Variants in CLEC11A observed in about 807,000 individuals in gnomAD.
CLEC11A encodes the protein C-type lectin domain family 11 member A.
A neutral mutation model predicts 33.9 loss-of-function variants in CLEC11A; 35 were observed. That is an observed-to-expected ratio of 1.03 (90% confidence interval 0.79 to 1.37). The LOEUF (loss-of-function observed/expected upper bound fraction) is 1.37, where lower values mean the gene tolerates loss of function less well. Ranked by LOEUF, CLEC11A falls within the 40% of genes most tolerant of loss-of-function variation. The pLI, the probability that CLEC11A is intolerant of heterozygous loss-of-function variation, is 0.00. For synonymous variants in CLEC11A, 220 were observed against 202.2 expected (o/e 1.09, Z -0.75); for missense variants, 519 against 455.5 (o/e 1.14, Z -1.27).
Position 50,725,318 on chromosome 19 carries a change from C to G in CLEC11A, c.823C>G (p.Gln275Glu). ...CTCACCCCGCCCCGAGCTCGGCGCCCAGCCCAGCGCCTCGCCGCATCCGCT... is the reference window on the plus strand; with the variant it reads ...CTCACCCCGCCCCGAGCTCGGCGCCGAGCCCAGCGCCTCGCCGCATCCGCT... ...HRSPRPELGA[Q>E]PSASPHPLSP... Residue 275 changes from glutamine (Q) to glutamate (E), a missense_variant, in exon 4 of 4, where the codon CAG (glutamine) becomes GAG (glutamate). Transcript: ENST00000250340. The G allele has an allele frequency of 6.2e-7, 1 of 1,611,968 alleles. No homozygotes were observed. Among genetic ancestry groups the G allele is most frequent in the African/African-American group, 1.3e-5 (1 of 75,040 alleles).
rs1453302204 is a variant in CLEC11A, at chr19:50,724,441, G to C, written c.366G>C (p.Leu122=). 8 of 1,553,546 alleles carry C rather than the reference G, an allele frequency of 5.1e-6. No homozygotes were observed. Among genetic ancestry groups the C allele is most frequent in the Non-Finnish European group, 6.9e-6 (8 of 1,155,626 alleles). ...GCCTGGCCGGCCTGGACGCAGGCCT[G>C]CACCAGCTGCACGTCCGTCTGCACG... The part of the protein sequence containing the change: ...LGRLAGLDAG[L]HQLHVRLHAL... Residue 122 remains leucine, a synonymous_variant, in exon 3 of 4, where the codon CTG becomes CTC. Coordinates refer to ENST00000250340, the MANE Select transcript of CLEC11A (RefSeq NM_002975.3). This position sits in a 1 kb window ranked among gnomAD's most constrained non-coding sequence, Gnocchi z 4.1.
Position 50,725,199 on chromosome 19 carries a change from A to G in CLEC11A, c.704A>G (p.Asn235Ser), listed in dbSNP as rs2089176823. 1.3e-6 allele frequency: 2 copies of G among 1,591,966 alleles called. No individual in the cohort carries two copies. Among genetic ancestry groups the G allele is most frequent in the Non-Finnish European group, 1.7e-6 (2 of 1,170,390 alleles). Residue 235 changes from asparagine to serine, a missense_variant, in exon 4 of 4, where the codon AAC becomes AGC. By Grantham distance (46) the Asn-to-Ser change is conservative. Coordinates refer to ENST00000250340, the MANE Select transcript of CLEC11A (RefSeq NM_002975.3). Reference protein sequence around the residue: ...RYLRAALAPYNWPVWLGVHDR... With the variant: ...RYLRAALAPYSWPVWLGVHDR... ...CTGCGCGCGGCGCTCGCTCCCTACA[A>G]CTGGCCCGTGTGGCTGGGCGTGCAC...
Position 50,725,614 on chromosome 19 carries a change from T to C in CLEC11A, c.*147T>C, listed in dbSNP as rs1221855639. On this transcript the variant is annotated 3_prime_UTR_variant, in exon 4 of 4. Coordinates refer to ENST00000250340, the MANE Select transcript of CLEC11A (RefSeq NM_002975.3). ...CCAGTCTGGGCGCTTCTGGGAGGGC[T>C]CTTGCGGTGCCGGCACTCCTCCTTG... 7.3e-7 allele frequency: 1 copy of C among 1,373,192 alleles called. No individual in the cohort carries two copies. The highest frequency in any genetic ancestry group is 1.5e-5 in the African/African-American group (1 of 68,130). The allele number at this position is 1,373,192 out of a possible 1,614,324, so 85.1% of individuals were successfully genotyped here.
rs1047559633 is a variant in CLEC11A at position 50,724,769 on chromosome 19, G to A, written c.526+168G>A. Among the ~76,000 whole-genome samples, 8 of 151,908 alleles carry A rather than the reference G, an allele frequency of 5.3e-5. No individual in the cohort carries two copies. Among genetic ancestry groups the A allele is most frequent in the East Asian group, 1.9e-4 (1 of 5,136 alleles). On this transcript the variant is annotated intron_variant, in intron 3 of 3. Transcript: ENST00000250340. The surrounding 1 kb of genome is among the most constrained non-coding windows in gnomAD (Gnocchi z 4.1). The stretch of plus-strand genomic sequence containing the variant: ...GAGGCTGAATGCAGGGAGCGGGTGG[G>A]CACTCCAGACCCGCGCGGACCCGAC...
At position 50,724,481 on chromosome 19, in the gene CLEC11A, G is replaced by A. The variant is rs921624957; in HGVS notation, c.406G>A (p.Val136Met). ...CCGTCTGCACGCGTTGGACACCCGCGTGGTCGAGCTGACCCAGGGGCTGCG... is the reference window on the plus strand; with the variant it reads ...CCGTCTGCACGCGTTGGACACCCGCATGGTCGAGCTGACCCAGGGGCTGCG... Reference protein sequence around the residue: ...HVRLHALDTRVVELTQGLRQL... With the variant: ...HVRLHALDTRMVELTQGLRQL... The change falls in exon 3 of 4, where the codon GTG becomes ATG. Residue 136 changes from valine to methionine, a missense_variant. Val to Met is a conservative substitution (Grantham distance 21, BLOSUM62 1). Transcript: ENST00000250340. This position sits in a 1 kb window ranked among gnomAD's most constrained non-coding sequence, Gnocchi z 4.1. The A allele has an allele frequency of 1.9e-6, 3 of 1,578,932 alleles. No homozygotes were observed. Among genetic ancestry groups the A allele is most frequent in the Non-Finnish European group, 2.6e-6 (3 of 1,170,190 alleles).
chr19:50,724,728 G>C lies in CLEC11A; in HGVS notation c.526+127G>C, dbSNP rs73582909. ...GGAGAGCTGCTGTGTGCTAGCGGAC[G>C]GGGTTAGAGAGCTGGGAGGCTGAAT... On this transcript the variant is annotated intron_variant, in intron 3 of 3. Transcript: ENST00000250340. This position sits in a 1 kb window ranked among gnomAD's most constrained non-coding sequence, Gnocchi z 4.1. 2 of 1,200,636 alleles carry C rather than the reference G, an allele frequency of 1.7e-6. No individual in the cohort carries two copies. Among genetic ancestry groups the C allele is most frequent in the Non-Finnish European group, 2.2e-6 (2 of 912,422 alleles). 74.4% of individuals were successfully genotyped at this position (1,200,636 alleles called of 1,614,324 possible). A position where few individuals can be genotyped will look rare whatever the true frequency, so the allele number is the denominator to read the frequency against.
At position 50,725,530 on chromosome 19, in the gene CLEC11A, C is replaced by A; in HGVS notation, c.*63C>A. 4.1e-6 allele frequency: 6 copies of A among 1,472,304 alleles called. No homozygotes were observed. Among genetic ancestry groups the A allele is most frequent in the Non-Finnish European group, 4.5e-6 (5 of 1,106,942 alleles). 91.2% of individuals were successfully genotyped at this position (1,472,304 alleles called of 1,614,324 possible). The stretch of plus-strand genomic sequence containing the variant: ...CCGGCCTTTCCCTGCGCCGTGCCCA[C>A]CCTCCTCCGGAATCTCCCTTCCCTT... On this transcript the variant is annotated 3_prime_UTR_variant, in exon 4 of 4. Coordinates refer to ENST00000250340, the MANE Select transcript of CLEC11A (RefSeq NM_002975.3).
At position 50,724,631 on chromosome 19, in the gene CLEC11A, AAT is replaced by A; in HGVS notation, c.526+31_526+32del. The A allele has an allele frequency of 7.2e-7, 1 of 1,386,842 alleles. No individual in the cohort carries two copies. The highest frequency in any genetic ancestry group is 2.9e-5 in the East Asian group (1 of 34,386). The allele number at this position is 1,386,842 out of a possible 1,614,324, so 85.9% of individuals were successfully genotyped here. A position where few individuals can be genotyped will look rare whatever the true frequency, so the allele number is the denominator to read the frequency against. On this transcript the variant is annotated intron_variant, in intron 3 of 3. Coordinates refer to ENST00000250340, the MANE Select transcript of CLEC11A (RefSeq NM_002975.3). This position sits in a 1 kb window ranked among gnomAD's most constrained non-coding sequence, Gnocchi z 4.1. ...GTCCGCGGCGCGCGGGGTGGAAAAA[AAT>A]GAGACTATCTGGGCCAGGAATGGGA... is the stretch of plus-strand genomic sequence containing the variant.
At position 50,725,124 on chromosome 19, in the gene CLEC11A, G is replaced by C. The variant is rs761771291; in HGVS notation, c.629G>C (p.Ser210Thr). The change falls in exon 4 of 4, where the codon AGC becomes ACC. Residue 210 changes from serine to threonine, a missense_variant. Coordinates refer to ENST00000250340, the MANE Select transcript of CLEC11A (RefSeq NM_002975.3). ...AQARCTARGGSLAQPADRQQM... is the reference protein window; with the variant it reads ...AQARCTARGGTLAQPADRQQM... ...GCGCGGTGCACGGCGCGGGGCGGGA[G>C]CCTGGCGCAGCCGGCAGACCGCCAG... is the stretch of plus-strand genomic sequence containing the variant. 1 of 1,543,512 alleles carries C rather than the reference G, an allele frequency of 6.5e-7. No homozygotes were observed. Among genetic ancestry groups the C allele is most frequent in the Non-Finnish European group, 8.7e-7 (1 of 1,145,542 alleles).
At position 50,725,281 on chromosome 19, in the gene CLEC11A, C is replaced by T. The variant is rs1021592171; in HGVS notation, c.786C>T (p.Phe262=). The change falls in exon 4 of 4, where the codon TTC becomes TTT. Residue 262 remains phenylalanine, a synonymous_variant. Coordinates refer to ENST00000250340, the MANE Select transcript of CLEC11A (RefSeq NM_002975.3). ...AAAACGGCCAGCGCGTGTCCTTCTT[C>T]GCCTGGCATCGCTCACCCCGCCCCG... ...LFENGQRVSF[F]AWHRSPRPEL... is the part of the protein sequence containing the mutation. The T allele has an allele frequency of 2.5e-6, 4 of 1,611,896 alleles. No individual in the cohort carries two copies. The highest frequency in any genetic ancestry group is 2.5e-6 in the Non-Finnish European group (3 of 1,179,396).
Position 50,725,455 on chromosome 19 carries a change from G to T in CLEC11A, c.960G>T (p.Glu320Asp). Residue 320 changes from glutamate to aspartate, a missense_variant, in exon 4 of 4, where the codon GAG (glutamate) becomes GAT (aspartate). Transcript: ENST00000250340. ...AGCGGCGTCTCTACTACGTCTGCGA[G>T]TTCCCCTTCTAGCGGGGCCGGTACC... ...DCQRRLYYVC[E>D]FPF The T allele has an allele frequency of 6.3e-7, 1 of 1,598,884 alleles. No homozygotes were observed. Among genetic ancestry groups the T allele is most frequent in the African/African-American group, 1.3e-5 (1 of 74,540 alleles).
Position 50,725,598 on chromosome 19 carries a change from G to A in CLEC11A, c.*131G>A. The A allele has an allele frequency of 1.4e-6, 2 of 1,434,354 alleles. No individual in the cohort carries two copies. The highest frequency in any genetic ancestry group is 1.8e-6 in the Non-Finnish European group (2 of 1,089,408). 88.9% of individuals were successfully genotyped at this position (1,434,354 alleles called of 1,614,324 possible). On this transcript the variant is annotated 3_prime_UTR_variant, in exon 4 of 4. Transcript: ENST00000250340. Reference sequence around the variant, plus strand: ...GCGTCCTCCCCGACCCCCAGTCTGGGCGCTTCTGGGAGGGCTCTTGCGGTG... The same window carrying A: ...GCGTCCTCCCCGACCCCCAGTCTGGACGCTTCTGGGAGGGCTCTTGCGGTG...
At position 50,725,443 on chromosome 19, in the gene CLEC11A, C is replaced by G. The variant is rs759374262; in HGVS notation, c.948C>G (p.Tyr316Ter). The change falls in exon 4 of 4, where the codon TAC becomes TAG. Residue 316 changes from tyrosine to a stop codon, truncating the protein, a stop_gained. Transcript: ENST00000250340. LOFTEE classifies it high-confidence loss of function. ...WWDHDCQRRL[Y>*]YVCEFPF The stretch of plus-strand genomic sequence containing the variant: ...ACCACGACTGCCAGCGGCGTCTCTA[C>G]TACGTCTGCGAGTTCCCCTTCTAGC... 3.7e-6 allele frequency: 6 copies of G among 1,604,306 alleles called. No individual in the cohort carries two copies. In the Admixed American group the frequency reaches 8.4e-5, roughly 23 times the overall value.
Position 50,723,514 on chromosome 19 carries a change from GAGT to G in CLEC11A, c.-11_-9del. The G allele has an allele frequency of 6.2e-7, 1 of 1,612,000 alleles. No individual in the cohort carries two copies. The highest frequency in any genetic ancestry group is 1.1e-5 in the South Asian group (1 of 90,970). On this transcript the variant is annotated 5_prime_UTR_variant, in exon 1 of 4. Transcript: ENST00000250340. The surrounding 1 kb of genome is among the most constrained non-coding windows in gnomAD (Gnocchi z 4.1). The stretch of plus-strand genomic sequence containing the variant: ...AGACATCTGGAACTTTGGGTGCCAA[GAGT>G]CCAGCTTAATGCAGGCAGCCTGGCT...
Position 50,725,112 on chromosome 19 carries a change from C to T in CLEC11A, c.617C>T (p.Ala206Val), listed in dbSNP as rs2089175222. ...GCGGCGGCGCAGGCGCGGTGCACGG[C>T]GCGGGGCGGGAGCCTGGCGCAGCCG... Reference protein sequence around the residue: ...AQAAAQARCTARGGSLAQPAD... With the variant: ...AQAAAQARCTVRGGSLAQPAD... The change falls in exon 4 of 4, where the codon GCG becomes GTG. Residue 206 changes from alanine (A) to valine (V), a missense_variant. By Grantham distance (64) the Ala-to-Val change is moderately conservative (BLOSUM62 0). Coordinates refer to ENST00000250340, the MANE Select transcript of CLEC11A (RefSeq NM_002975.3). 5.9e-6 allele frequency: 9 copies of T among 1,537,170 alleles called. No individual in the cohort carries two copies. The highest frequency in any genetic ancestry group is 7.0e-6 in the Non-Finnish European group (8 of 1,142,816).
chr19:50,723,695 G>A lies in CLEC11A; in HGVS notation c.147+23G>A. 2 of 1,555,952 alleles carry A rather than the reference G, an allele frequency of 1.3e-6. No homozygotes were observed. Among genetic ancestry groups the A allele is most frequent in the Non-Finnish European group, 1.7e-6 (2 of 1,153,496 alleles). Reference sequence around the variant, plus strand: ...AAGGTGAGCTCTGGAGTGTCAGGGAGCTATGGGTGGTGAACTGTGGGTCTG... The same window carrying A: ...AAGGTGAGCTCTGGAGTGTCAGGGAACTATGGGTGGTGAACTGTGGGTCTG... On this transcript the variant is annotated intron_variant, in intron 1 of 3. Coordinates refer to ENST00000250340, the MANE Select transcript of CLEC11A (RefSeq NM_002975.3). This position sits in a 1 kb window ranked among gnomAD's most constrained non-coding sequence, Gnocchi z 4.1.
rs774428081 is a variant in CLEC11A at position 50,724,528 on chromosome 19, C to A, written c.453C>A (p.Gly151=). ...QGLRQLRNAA[G]DTRDAVQALQ... is the part of the protein sequence containing the mutation. ...TGCGGCAGCTGCGGAACGCGGCAGG[C>A]GACACCCGCGATGCCGTGCAAGCCC... The change falls in exon 3 of 4, where the codon GGC becomes GGA. Residue 151 remains glycine (G), a synonymous_variant. Coordinates refer to ENST00000250340, the MANE Select transcript of CLEC11A (RefSeq NM_002975.3). The surrounding 1 kb of genome is among the most constrained non-coding windows in gnomAD (Gnocchi z 4.1). 6.5e-6 allele frequency: 10 copies of A among 1,543,580 alleles called. No homozygotes were observed. The highest frequency in any genetic ancestry group is 1.9e-5 in the Admixed American group (1 of 52,960).
Position 50,725,248 on chromosome 19 carries a change from C to A in CLEC11A, c.753C>A (p.Tyr251Ter). The change falls in exon 4 of 4, where the codon TAC (tyrosine) becomes TAA (stop). Residue 251 changes from tyrosine (Y) to a stop codon, truncating the protein, a stop_gained. Transcript: ENST00000250340. LOFTEE classifies it high-confidence loss of function. The part of the protein sequence containing the change: ...GVHDRRAEGL[Y>*]LFENGQRVSF... ...ACGATCGGCGCGCCGAGGGCCTCTACCTCTTCGAAAACGGCCAGCGCGTGT... is the reference window on the plus strand; with the variant it reads ...ACGATCGGCGCGCCGAGGGCCTCTAACTCTTCGAAAACGGCCAGCGCGTGT... 1 of 1,609,722 alleles carries A rather than the reference C, an allele frequency of 6.2e-7. No individual in the cohort carries two copies. The highest frequency in any genetic ancestry group is 8.5e-7 in the Non-Finnish European group (1 of 1,178,492).
Position 50,723,477 on chromosome 19 carries a change from C to T in CLEC11A, c.-49C>T. On this transcript the variant is annotated 5_prime_UTR_variant, in exon 1 of 4. Coordinates refer to ENST00000250340, the MANE Select transcript of CLEC11A (RefSeq NM_002975.3). The surrounding 1 kb of genome is among the most constrained non-coding windows in gnomAD (Gnocchi z 4.1). ...CAGTTCCCAGAGGCCACCCCTCCCACCCCAGACATCCAGACATCTGGAACT... is the reference window on the plus strand; with the variant it reads ...CAGTTCCCAGAGGCCACCCCTCCCATCCCAGACATCCAGACATCTGGAACT... 1 of 1,606,766 alleles carries T rather than the reference C, an allele frequency of 6.2e-7. No homozygotes were observed. Among genetic ancestry groups the T allele is most frequent in the Non-Finnish European group, 8.5e-7 (1 of 1,175,988 alleles).
Sources: gnomAD v4.1 joint callset for allele counts (sites outside exome capture counted in the v4.1 genomes callset) on GRCh38, gnomAD v4.1.1 for gene constraint, Gnocchi (gnomAD v3.1) non-coding constraint, MANE v1.5 for transcripts, NCBI Gene and HGNC (gene_info 2026-07-23, HGNC 2026-07-21) for gene names.